Variants in HEMK2 observed in about 807,000 individuals in gnomAD.
The protein encoded by HEMK2 is HemK methyltransferase 2, ETF1 glutamine and histone H4 lysine.
At chr21:28,719,872 C>T in the HEMK2 span, among the ~76,000 whole-genome samples, 1 of 152,192 alleles carries the variant, frequency 6.6e-6, no homozygotes, top group African/African-American at 2.4e-5. Flanking sequence ...CTTTCATGGC[C>T]ATTCACAGAT....
At chr21:28,834,876 C>T in the HEMK2 span, among the ~76,000 whole-genome samples, 9 of 152,012 alleles carry the variant, frequency 5.9e-5, no homozygotes, top group African/African-American at 1.7e-4. Flanking sequence ...GCTGGCTTTC[C>T]CCTACTTCCT....
chr21:28,682,833 A>C, the HEMK2 span, among the ~76,000 whole-genome samples: 9 of 152,132 alleles, frequency 5.9e-5, no homozygotes, highest in Non-Finnish European at 8.8e-5. Flanking sequence ...GTTCTCACTC[A>C]TAGGTAGGAA....
At chr21:28,689,947 A>G in the HEMK2 span, among the ~76,000 whole-genome samples, 11 of 152,188 alleles carry the variant, frequency 7.2e-5, no homozygotes, top group African/African-American at 1.2e-4. Flanking sequence ...TAATAAAGAC[A>G]TACCCAAAAC....
At chr21:28,776,260 C>A in the HEMK2 span, among the ~76,000 whole-genome samples, 1 of 152,192 alleles carries the variant, frequency 6.6e-6, no homozygotes, top group Non-Finnish European at 1.5e-5. Flanking sequence ...GAAAGAATCT[C>A]TTGTGCCTTC....
chr21:28,802,888 T>C, the HEMK2 span, among the ~76,000 whole-genome samples: 4 of 152,268 alleles, frequency 2.6e-5, no homozygotes, highest in African/African-American at 9.6e-5. Context: ...AACAAAGGAT[T>C]TGGAGTAGAT....
the HEMK2 span, among the ~76,000 whole-genome samples, chr21:28,815,337 C>T: frequency 1.5e-4 from 22 of 151,448 alleles, no homozygotes; most frequent in Non-Finnish European, 2.9e-4. Flanking sequence ...AACAAACCTG[C>T]ACGTTGTGCA....
the HEMK2 span, among the ~76,000 whole-genome samples, chr21:28,677,017 G>A: frequency 6.6e-6 from 1 of 152,178 alleles, no homozygotes; most frequent in Non-Finnish European, 1.5e-5. Flanking sequence ...GAAGTACCGG[G>A]TTCATCTCAC....
At chr21:28,735,358 T>C in the HEMK2 span, among the ~76,000 whole-genome samples, 1 of 152,104 alleles carries the variant, frequency 6.6e-6, no homozygotes, top group East Asian at 1.9e-4. Context: ...TCCAATCCCA[T>C]TCTTGGTGTC....
the HEMK2 span, among the ~76,000 whole-genome samples, chr21:28,619,859 C>T: frequency 6.6e-6 from 1 of 152,242 alleles, no homozygotes; most frequent in African/African-American, 2.4e-5. Context: ...TCCCACAAAC[C>T]ATAATCTGAG....
the HEMK2 span, among the ~76,000 whole-genome samples, chr21:28,778,624 G>C: frequency 6.6e-6 from 1 of 152,126 alleles, no homozygotes; most frequent in Admixed American, 6.5e-5. Flanking sequence ...CATCCAGATA[G>C]GTATGTGCTA....
At chr21:28,746,503 T>C in the HEMK2 span, among the ~76,000 whole-genome samples, 3 of 152,112 alleles carry the variant, frequency 2.0e-5, no homozygotes, top group Non-Finnish European at 2.9e-5. Context: ...GGTAGGGAGA[T>C]GAGCAACGGA....
At chr21:28,630,381 G>A in the HEMK2 span, among the ~76,000 whole-genome samples, 13 of 152,220 alleles carry the variant, frequency 8.5e-5, no homozygotes, top group African/African-American at 3.1e-4. Flanking sequence ...CATTTCCTCA[G>A]GGATCTAGAA....
chr21:28,789,636 C>T, the HEMK2 span, among the ~76,000 whole-genome samples: 1 of 152,226 alleles, frequency 6.6e-6, no homozygotes, highest in East Asian at 1.9e-4. Flanking sequence ...ATATCAAGTC[C>T]TACTTAAAGT....
the HEMK2 span, among the ~76,000 whole-genome samples, chr21:28,621,978 A>G: frequency 2.2e-4 from 34 of 152,192 alleles, no homozygotes; most frequent in African/African-American, 8.2e-4. Flanking sequence ...AGTCTGTTTT[A>G]TCAGAAACTA....
the HEMK2 span, among the ~76,000 whole-genome samples, chr21:28,881,967 T>C: frequency 1.3e-5 from 2 of 152,190 alleles, no homozygotes; most frequent in African/African-American, 4.8e-5. Flanking sequence ...CAGTTTGAAC[T>C]GGGTTCACTA....
the HEMK2 span, among the ~76,000 whole-genome samples, chr21:28,743,512 A>G: frequency 6.6e-6 from 1 of 152,128 alleles, no homozygotes; most frequent in African/African-American, 2.4e-5. Flanking sequence ...CCTAAACTTA[A>G]CAGAACACAG....
chr21:28,831,462 C>CGAAAGAAA, the HEMK2 span, among the ~76,000 whole-genome samples: 844 of 23,406 alleles, frequency 0.036, 65 homozygotes, highest in Non-Finnish European at 0.048. Context: ...AAGAAAAGAA[C>CGAAAGAAA]GAAAGAAAGA....
chr21:28,884,902 T>C, the HEMK2 span, among the ~76,000 whole-genome samples: 2 of 152,218 alleles, frequency 1.3e-5, no homozygotes, highest in African/African-American at 4.8e-5. Context: ...TGTTATACTA[T>C]CGCTTCTCTC....
At chr21:28,763,954 TC>T in the HEMK2 span, among the ~76,000 whole-genome samples, 1 of 152,060 alleles carries the variant, frequency 6.6e-6, no homozygotes, top group Non-Finnish European at 1.5e-5. Flanking sequence ...TCCAGCTTCC[TC>T]ATCCTGGGAT....
Sources: gnomAD v4.1 joint callset for allele counts (sites outside exome capture counted in the v4.1 genomes callset) on GRCh38, gnomAD v4.1.1 for gene constraint, MANE v1.5 for transcripts, NCBI Gene and HGNC (gene_info 2026-07-23, HGNC 2026-07-21) for gene names.